Variants in ARHGAP44 observed in about 807,000 individuals in gnomAD.
ARHGAP44 encodes the protein rho GTPase-activating protein 44.
ARHGAP44 carries 43 observed loss-of-function variants against 106.8 expected under a neutral mutation model. The ratio of observed to expected loss-of-function variants is 0.40; its 90% CI spans 0.32 to 0.52. The LOEUF (loss-of-function observed/expected upper bound fraction) is 0.52. ARHGAP44 is among the 20% of genes least tolerant of loss of function. ARHGAP44 has a pLI of 0.48. For synonymous variants in ARHGAP44, 439 were observed against 410.3 expected, an observed-to-expected ratio of 1.07 and a Z score of -0.85; for missense variants, 866 against 1,050.5, an observed-to-expected ratio of 0.82 and a Z score of 2.43.
chr17:12,866,582 C>A (rs570455922), intron 1 of ARHGAP44, among the ~76,000 whole-genome samples: 61 of 152,170 alleles, frequency 4.0e-4, no homozygotes, highest in Middle Eastern at 3.4e-3. Context: ...CAAAAGATTA[C>A]CAAGAGAGAA....
intron 1 of ARHGAP44, among the ~76,000 whole-genome samples, chr17:12,820,193 T>C (rs1185763755): frequency 6.6e-6 from 1 of 152,182 alleles, no homozygotes. Flanking sequence ...GATAGTATAG[T>C]ATATTTAGGT....
intron 1 of ARHGAP44, among the ~76,000 whole-genome samples, chr17:12,868,863 G>C (rs895009854): frequency 6.6e-6 from 1 of 151,088 alleles, no homozygotes; most frequent in Non-Finnish European, 1.5e-5. Context: ...TCACCATATT[G>C]GCCAGGCTGG....
At chr17:12,940,311 A>G (rs1445412364) in intron 7 of ARHGAP44, among the ~76,000 whole-genome samples, 2 of 152,210 alleles carry the variant, frequency 1.3e-5, no homozygotes, top group Non-Finnish European at 2.9e-5. Flanking sequence ...ATGGTTAATG[A>G]CAGAGTCTAC....
chr17:12,960,004 T>G (rs1443348369), intron 16 of ARHGAP44, among the ~76,000 whole-genome samples: 1 of 152,216 alleles, frequency 6.6e-6, no homozygotes, highest in Non-Finnish European at 1.5e-5. Flanking sequence ...CCCACTTCTT[T>G]CTGAATGGGA....
intron 1 of ARHGAP44, among the ~76,000 whole-genome samples, chr17:12,838,880 A>G (rs1200176066): frequency 6.6e-6 from 1 of 151,926 alleles, no homozygotes; most frequent in African/African-American, 2.4e-5. Context: ...GTATATATAT[A>G]TATTTAAATA....
intron 20 of ARHGAP44, 94 bp from the exon 21 acceptor site, chr17:12,989,938 C>G (rs958201893): frequency 1.3e-6 from 2 of 1,525,146 alleles, no homozygotes; most frequent in East Asian, 2.3e-5. Flanking sequence ...TAGCAGCACC[C>G]CTGCCTCCTA....
chr17:12,880,536 C>T (rs73978264), intron 1 of ARHGAP44, among the ~76,000 whole-genome samples: 1 of 152,020 alleles, frequency 6.6e-6, no homozygotes, highest in African/African-American at 2.4e-5. Context: ...CATTGTACCT[C>T]TAAGAGTCAC....
intron 1 of ARHGAP44, among the ~76,000 whole-genome samples, chr17:12,876,709 G>A (rs1030775561): frequency 4.6e-5 from 7 of 152,012 alleles, no homozygotes; most frequent in African/African-American, 1.2e-4. Context: ...ACAGGAGATC[G>A]AGACCATCCT....
chr17:12,864,819 A>G (rs1022059099), intron 1 of ARHGAP44, among the ~76,000 whole-genome samples: 1 of 152,244 alleles, frequency 6.6e-6, no homozygotes, highest in African/African-American at 2.4e-5. Context: ...TTTCCACAAT[A>G]TAAAAACTAT....
chr17:12,819,342 G>GTGAA (rs2034694691), intron 1 of ARHGAP44, among the ~76,000 whole-genome samples: 1 of 151,864 alleles, frequency 6.6e-6, no homozygotes, highest in Admixed American at 6.6e-5. Context: ...TCACCTATTG[G>GTGAA]TGGACATTTG....
intron 3 of ARHGAP44, among the ~76,000 whole-genome samples, chr17:12,896,808 A>T (rs1598015424): frequency 1.3e-5 from 2 of 152,080 alleles, no homozygotes; most frequent in African/African-American, 4.8e-5. Context: ...TTGAGATCCC[A>T]CCTCTAGGGA....
intron 12 of ARHGAP44, among the ~76,000 whole-genome samples, chr17:12,952,169 C>T (rs562639623): frequency 2.0e-5 from 3 of 152,290 alleles, no homozygotes; most frequent in East Asian, 1.9e-4. Context: ...AATACAGGCT[C>T]AGAATAGCCC....
chr17:12,929,246 G>A, intron 7 of ARHGAP44, 200 bp downstream of exon 7: 1 of 470,442 alleles, frequency 2.1e-6, no homozygotes, highest in South Asian at 2.8e-5. Flanking sequence ...CCTAGACAGG[G>A]AGGCAGCATT....
At chr17:12,802,990 T>TTGG (rs2034164105) in intron 1 of ARHGAP44, among the ~76,000 whole-genome samples, 1 of 99,746 alleles carries the variant, frequency 1.0e-5, no homozygotes, top group Non-Finnish European at 2.1e-5. Context: ...TTTTTTTTTT[T>TTGG]GAGGCAGAGT....
intron 18 of ARHGAP44, 58 bp downstream of exon 18, chr17:12,974,368 G>T: frequency 7.6e-7 from 1 of 1,318,046 alleles, no homozygotes; most frequent in African/African-American, 1.6e-5. Context: ...GGGTGTCTGG[G>T]TTGGCCGCAC....
chr17:12,934,811 A>C (rs2038498737), intron 7 of ARHGAP44, among the ~76,000 whole-genome samples: 1 of 152,200 alleles, frequency 6.6e-6, no homozygotes, highest in Admixed American at 6.5e-5. Flanking sequence ...ACAATGATGC[A>C]CCAATACAGG....
intron 1 of ARHGAP44, among the ~76,000 whole-genome samples, chr17:12,891,942 C>T (rs374473687): frequency 4.0e-4 from 61 of 151,222 alleles, no homozygotes; most frequent in African/African-American, 1.2e-3. Context: ...ATTGCAGGTG[C>T]GCACCACCAC....
intron 1 of ARHGAP44, among the ~76,000 whole-genome samples, chr17:12,816,636 G>A (rs7211503): frequency 0.89 from 134,949 of 152,150 alleles, 60,677 homozygotes; most frequent in Non-Finnish European, 0.96. Context: ...AGATACAGTG[G>A]ACTTCAAGGA....
At chr17:12,853,331 A>G (rs2035817452) in intron 1 of ARHGAP44, among the ~76,000 whole-genome samples, 1 of 152,216 alleles carries the variant, frequency 6.6e-6, no homozygotes. Context: ...TTGAGGCATC[A>G]TCTACATTTA....
Sources: gnomAD v4.1 joint callset for allele counts (sites outside exome capture counted in the v4.1 genomes callset) on GRCh38, gnomAD v4.1.1 for gene constraint, MANE v1.5 for transcripts, NCBI Gene and HGNC (gene_info 2026-07-23, HGNC 2026-07-21) for gene names.